The following PTPRM variants were observed in gnomAD, a reference collection of about 807,000 sequenced individuals.
PTPRM encodes the protein receptor-type tyrosine-protein phosphatase mu.
Under a neutral mutation model 186.7 loss-of-function variants are expected in PTPRM, and 47 were observed. The ratio of observed to expected loss-of-function variants is 0.25; its 90% CI spans 0.20 to 0.32. The LOEUF (loss-of-function observed/expected upper bound fraction) is 0.32. Among genes scored for constraint, PTPRM ranks in the 10% least tolerant of loss-of-function variants. PTPRM has a pLI of 1.00. For missense variants in PTPRM, 1,494 were observed against 1,865.0 expected (o/e 0.80, Z 3.66); for synonymous variants, 668 against 674.9 (o/e 0.99, Z 0.16).
At chr18:8,393,889 C>T (rs1395484533) in intron 31 of PTPRM, among the ~76,000 whole-genome samples, 3 of 152,086 alleles carry the variant, frequency 2.0e-5, no homozygotes, top group Non-Finnish European at 4.4e-5. Context: ...CCCGGGTTCA[C>T]GCCATTCTCC....
At chr18:7,823,098 T>A (rs1475377545) in intron 2 of PTPRM, among the ~76,000 whole-genome samples, 1 of 152,160 alleles carries the variant, frequency 6.6e-6, no homozygotes, top group Non-Finnish European at 1.5e-5. Flanking sequence ...CTAATGTTTC[T>A]CCTATTTGTA....
At chr18:8,384,538 G>A (rs2148533015) in intron 29 of PTPRM, 23 bp from the exon 30 acceptor site, 1 of 1,613,368 alleles carries the variant, frequency 6.2e-7, no homozygotes. Flanking sequence ...AACTAACCTT[G>A]TGTTTATATG....
intron 1 of PTPRM, among the ~76,000 whole-genome samples, chr18:7,730,842 A>G (rs1490015386): frequency 6.6e-6 from 1 of 152,162 alleles, no homozygotes; most frequent in Admixed American, 6.5e-5. Context: ...CACACACAAT[A>G]CCGAGGGACT....
intron 31 of PTPRM, among the ~76,000 whole-genome samples, chr18:8,391,699 G>A (rs753872879): frequency 1.3e-5 from 2 of 152,136 alleles, no homozygotes; most frequent in African/African-American, 4.8e-5. Flanking sequence ...AATTGACTGA[G>A]CTGTCTACTT....
chr18:8,201,153 T>G (rs1413217090), intron 14 of PTPRM, among the ~76,000 whole-genome samples: 2 of 151,962 alleles, frequency 1.3e-5, no homozygotes, highest in Non-Finnish European at 2.9e-5. Flanking sequence ...CTGTCTCTAC[T>G]AAAAATACAA....
In PTPRM at chr18:8,118,926, G is replaced by C. The variant is rs994266639; in HGVS notation, c.2167+4099G>C. Among the ~76,000 whole-genome samples, 9 of 150,722 alleles carry C rather than the reference G, an allele frequency of 6.0e-5. No homozygotes were observed. The East Asian group carries it at 9.7e-4, about 16-fold the overall frequency. Reference sequence around the variant, plus strand: ...AAGACACTTCTTCTTCTTCCAGGGTGGCCCAGGGAAGTCAAAAGATTGGAC... The same window carrying C: ...AAGACACTTCTTCTTCTTCCAGGGTCGCCCAGGGAAGTCAAAAGATTGGAC... On this transcript the variant is annotated intron_variant, in intron 13 of 32. Coordinates refer to ENST00000580170, the MANE Select transcript of PTPRM (RefSeq NM_001105244.2).
At chr18:8,114,442 A>G (rs938031052) in intron 12 of PTPRM, among the ~76,000 whole-genome samples, 4 of 151,992 alleles carry the variant, frequency 2.6e-5, no homozygotes, top group Non-Finnish European at 5.9e-5. Context: ...TAAAGGGGGG[A>G]AATCTGAGAT....
At chr18:7,641,058 A>G (rs1396286738) in intron 1 of PTPRM, among the ~76,000 whole-genome samples, 2 of 152,214 alleles carry the variant, frequency 1.3e-5, no homozygotes, top group East Asian at 1.9e-4. Flanking sequence ...CATATAAACT[A>G]TGATCTGTTC....
At chr18:8,135,396 C>G (rs1431382289) in intron 13 of PTPRM, among the ~76,000 whole-genome samples, 5 of 152,082 alleles carry the variant, frequency 3.3e-5, no homozygotes, top group Admixed American at 3.3e-4. Flanking sequence ...TACTTTGGAG[C>G]CATAGTTCTA....
chr18:7,602,978 A>T (rs2037443220), intron 1 of PTPRM, among the ~76,000 whole-genome samples: 1 of 150,638 alleles, frequency 6.6e-6, no homozygotes, highest in Non-Finnish European at 1.5e-5. Flanking sequence ...CCCAGGCTGG[A>T]GTGCAGTGTT....
chr18:7,992,906 A>C (rs1446206067), intron 7 of PTPRM, among the ~76,000 whole-genome samples: 1 of 152,114 alleles, frequency 6.6e-6, no homozygotes, highest in Non-Finnish European at 1.5e-5. Context: ...TTTTTGGTGA[A>C]TCAGTGAATG....
chr18:7,783,253 C>T (rs772549810), intron 2 of PTPRM, among the ~76,000 whole-genome samples: 3 of 152,230 alleles, frequency 2.0e-5, no homozygotes, highest in East Asian at 1.9e-4. Context: ...AAATATCCAC[C>T]GAGGATTCAC....
At chr18:7,960,480 T>TATATATATATACACACACAC (rs1300573371) in intron 7 of PTPRM, among the ~76,000 whole-genome samples, 1 of 86,602 alleles carries the variant, frequency 1.2e-5, no homozygotes. Flanking sequence ...TATATATATA[T>TATATATATATACACACACAC]ACACACACAC....
chr18:7,919,186 G>A (rs1169291294), intron 4 of PTPRM, among the ~76,000 whole-genome samples: 1 of 152,056 alleles, frequency 6.6e-6, no homozygotes, highest in African/African-American at 2.4e-5. Context: ...TGCTGTTTTG[G>A]TTACTAAAGC....
intron 23 of PTPRM, among the ~76,000 whole-genome samples, chr18:8,354,682 G>T (rs1261568581): frequency 6.6e-6 from 1 of 152,212 alleles, no homozygotes; most frequent in Admixed American, 6.5e-5. Context: ...TGAAACTTTG[G>T]TCTGTCCAGT....
At position 8,076,511 on chromosome 18, in the gene PTPRM, T is replaced by C. The variant is rs369526421; in HGVS notation, c.1498T>C (p.Phe500Leu). The change falls in exon 9 of 33, where the codon TTT (phenylalanine) becomes CTT (leucine). Residue 500 changes from phenylalanine to leucine, a missense_variant. This residue lies in a region of PTPRM where 1,107 missense variants were observed against 1,350.2 expected (regional missense o/e 0.82). Coordinates refer to ENST00000580170, the MANE Select transcript of PTPRM (RefSeq NM_001105244.2). Reference sequence around the variant, plus strand: ...AGGAAGTACCTTTGAAGAGAAGATATTTCTTCAGTGGAGAGAACCAACTCA... The same window carrying C: ...AGGAAGTACCTTTGAAGAGAAGATACTTCTTCAGTGGAGAGAACCAACTCA... ...IQGSTFEEKI[F>L]LQWREPTQTY... is the part of the protein sequence containing the mutation. The C allele has an allele frequency of 1.9e-6, 3 of 1,610,312 alleles. No homozygotes were observed. Among genetic ancestry groups the C allele is most frequent in the African/African-American group, 1.3e-5 (1 of 74,806 alleles).
intron 1 of PTPRM, among the ~76,000 whole-genome samples, chr18:7,639,147 T>C (rs551815459): frequency 1.3e-5 from 2 of 152,298 alleles, no homozygotes; most frequent in East Asian, 3.9e-4. Context: ...CGATCTCCAC[T>C]CACTGCAAGC....
chr18:7,894,385 G>A (rs1204456551), intron 3 of PTPRM, among the ~76,000 whole-genome samples: 1 of 152,094 alleles, frequency 6.6e-6, no homozygotes, highest in African/African-American at 2.4e-5. Context: ...AGGAGATCGA[G>A]ACCAGCCTGG....
chr18:7,894,976 AAG>A (rs2049276735), intron 3 of PTPRM, among the ~76,000 whole-genome samples: 1 of 152,224 alleles, frequency 6.6e-6, no homozygotes, highest in East Asian at 1.9e-4. Flanking sequence ...TCACACTAGT[AAG>A]TAGTTTTGAT....
Sources: allele counts gnomAD v4.1 joint callset (sites outside exome capture counted in the v4.1 genomes callset), GRCh38; gene constraint gnomAD v4.1.1; regional missense constraint gnomAD v4.1.1; transcripts MANE v1.5; gene names NCBI Gene and HGNC (gene_info 2026-07-23, HGNC 2026-07-21).